The following AP3S2 variants were observed in gnomAD, a reference collection of about 807,000 sequenced individuals.
AP3S2 encodes AP-3 complex subunit sigma-2.
Under a neutral mutation model 23.4 loss-of-function variants are expected in AP3S2, and 22 were observed. The observed-to-expected ratio is 0.94, with a 90% confidence interval of 0.67 to 1.34. AP3S2 has a LOEUF of 1.34. Ranked by LOEUF, AP3S2 falls within the 40% of genes most tolerant of loss-of-function variation. The probability of loss-of-function intolerance (pLI) is 0.00; values close to 1 mark genes in which losing one functional copy is unlikely to be tolerated. For missense variants in AP3S2, 241 were observed against 236.9 expected (o/e 1.02, Z -0.11); for synonymous variants, 86 against 87.1 (o/e 0.99, Z 0.07).
In AP3S2 at chr15:89,865,029, T is replaced by C. The variant is rs1331754730; in HGVS notation, c.345+6446A>G. Among the ~76,000 whole-genome samples, 6 of 152,214 alleles carry C rather than the reference T, an allele frequency of 3.9e-5. No individual in the cohort carries two copies. In the East Asian group the frequency reaches 1.2e-3, roughly 29 times the overall value. On this transcript the variant is annotated intron_variant, in intron 4 of 5. Coordinates refer to ENST00000336418, the MANE Select transcript of AP3S2 (RefSeq NM_005829.5). ...ACATACCTACTAGCTGGATAAAAAT[T>C]AAGTTCTATATCCATCAGTCAGGAC...
At chr15:89,862,452 A>C (rs760911824) in intron 4 of AP3S2, among the ~76,000 whole-genome samples, 2 of 152,216 alleles carry the variant, frequency 1.3e-5, no homozygotes, top group Non-Finnish European at 2.9e-5. Flanking sequence ...TAGGGATGAA[A>C]AGTTATGATG....
intron 4 of AP3S2, among the ~76,000 whole-genome samples, chr15:89,868,357 C>CT (rs1896209147): frequency 1.1e-5 from 1 of 94,824 alleles, no homozygotes; most frequent in African/African-American, 4.1e-5. Flanking sequence ...GTCAGCCCCC[C>CT]GCCCGGCCAG....
intron 4 of AP3S2, 52 bp from the exon 5 acceptor site, chr15:89,837,774 G>A: frequency 6.2e-7 from 1 of 1,604,000 alleles, no homozygotes; most frequent in Non-Finnish European, 8.5e-7. Context: ...TGGTCAGAGT[G>A]TAACCCACGA....
At chr15:89,886,276 C>T (rs915812331) in intron 3 of AP3S2, among the ~76,000 whole-genome samples, 3 of 151,836 alleles carry the variant, frequency 2.0e-5, no homozygotes, top group Admixed American at 6.6e-5. Context: ...ACCAGGGAGT[C>T]GGAGGTTGTG....
intron 3 of AP3S2, among the ~76,000 whole-genome samples, chr15:89,875,980 C>T (rs1420954757): frequency 6.6e-6 from 1 of 152,046 alleles, no homozygotes; most frequent in Non-Finnish European, 1.5e-5. Flanking sequence ...ATGATGAGGA[C>T]AGACACAAAC....
Position 89,888,637 on chromosome 15 carries a change from A to C in AP3S2, c.162-5T>G. ...TAGTCAGAGCCACCAATCAAACTGC[A>C]GAAGATGGGAAACATTTAAATGCCC... On this transcript the variant is annotated splice_region_variant and splice_polypyrimidine_tract_variant and intron_variant, in intron 2 of 5. Coordinates refer to ENST00000336418, the MANE Select transcript of AP3S2 (RefSeq NM_005829.5). 1 of 1,613,134 alleles carries C rather than the reference A, an allele frequency of 6.2e-7. No individual in the cohort carries two copies. The highest frequency in any genetic ancestry group is 1.1e-5 in the South Asian group (1 of 91,020).
At chr15:89,866,992 C>G (rs1156435192) in intron 4 of AP3S2, among the ~76,000 whole-genome samples, 1 of 135,746 alleles carries the variant, frequency 7.4e-6, no homozygotes, top group Non-Finnish European at 1.6e-5. Flanking sequence ...CTCTCCCTCT[C>G]CCTCTCCCTC....
chr15:89,842,693 A>G (rs1286112092), intron 4 of AP3S2, among the ~76,000 whole-genome samples: 2 of 152,048 alleles, frequency 1.3e-5, no homozygotes, highest in East Asian at 3.9e-4. Context: ...GCTCAGTGCA[A>G]CCTCCACCTC....
Position 89,881,103 on chromosome 15 carries a change from A to G in AP3S2, c.273+7418T>C, listed in dbSNP as rs1018177444. Among the ~76,000 whole-genome samples, 5 of 152,368 alleles carry G rather than the reference A, an allele frequency of 3.3e-5. No individual in the cohort carries two copies. The East Asian group carries it at 9.6e-4, about 29-fold the overall frequency. ...AAAGAGCTGAAGTGAAGGAACCTAG[A>G]TGAGAGTATTCCAGGGGACAGAACA... On this transcript the variant is annotated intron_variant, in intron 3 of 5. Coordinates refer to ENST00000336418, the MANE Select transcript of AP3S2 (RefSeq NM_005829.5).
At chr15:89,866,074 A>C (rs866388593) in intron 4 of AP3S2, among the ~76,000 whole-genome samples, 3 of 151,896 alleles carry the variant, frequency 2.0e-5, no homozygotes, top group African/African-American at 7.3e-5. Context: ...CCAGCCTGAC[A>C]GATATGATGA....
At chr15:89,859,826 C>T (rs934430234) in intron 4 of AP3S2, among the ~76,000 whole-genome samples, 4 of 147,022 alleles carry the variant, frequency 2.7e-5, no homozygotes, top group African/African-American at 5.1e-5. Context: ...TGCAGTGGCG[C>T]GATCTCGGCT....
At chr15:89,864,564 A>G (rs1385021438) in intron 4 of AP3S2, among the ~76,000 whole-genome samples, 1 of 150,456 alleles carries the variant, frequency 6.6e-6, no homozygotes, top group African/African-American at 2.4e-5. Flanking sequence ...TTCTACCAAC[A>G]CATTTTTTTT....
At chr15:89,880,147 A>G (rs1358416213) in intron 3 of AP3S2, among the ~76,000 whole-genome samples, 1 of 151,990 alleles carries the variant, frequency 6.6e-6, no homozygotes, top group Admixed American at 6.6e-5. Flanking sequence ...TGTCTCCAAA[A>G]AATAAAAAAT....
At chr15:89,860,913 A>G (rs1327999329) in intron 4 of AP3S2, among the ~76,000 whole-genome samples, 1 of 152,182 alleles carries the variant, frequency 6.6e-6, no homozygotes, top group Non-Finnish European at 1.5e-5. Context: ...CTAAAACTCA[A>G]ACAGAATACC....
chr15:89,892,557 T>C (rs1281539244), intron 1 of AP3S2, among the ~76,000 whole-genome samples: 2 of 152,204 alleles, frequency 1.3e-5, no homozygotes, highest in Non-Finnish European at 2.9e-5. Flanking sequence ...ATGTTAGTTT[T>C]ATCTCAGTAA....
intron 3 of AP3S2, chr15:89,878,333 G>A (rs932829346): frequency 4.8e-6 from 3 of 619,906 alleles, no homozygotes; most frequent in East Asian, 3.0e-5. Flanking sequence ...TGGAGTAGGA[G>A]AAAATATTTG....
intron 5 of AP3S2, among the ~76,000 whole-genome samples, chr15:89,836,611 C>T (rs8030857): frequency 0.44 from 66,811 of 152,002 alleles, 15,362 homozygotes; most frequent in Middle Eastern, 0.51. Context: ...CTCACCCCCA[C>T]GTGGAGGGAA....
intron 3 of AP3S2, chr15:89,878,316 A>G (rs1259613828): frequency 6.1e-6 from 4 of 651,472 alleles, no homozygotes; most frequent in Non-Finnish European, 8.1e-6. Context: ...TAAAGCAAAA[A>G]GACCAATGGA....
rs143216496 is a variant in AP3S2 at position 89,886,500 on chromosome 15, T to G, written c.273+2021A>C. 1.2e-3 allele frequency: 187 copies of G among 152,318 alleles called. 1 individual carries two copies. Among genetic ancestry groups the G allele is most frequent in the African/African-American group, 4.3e-3 (178 of 41,564 alleles). 9.4% of individuals were successfully genotyped at this position (152,318 alleles called of 1,614,324 possible). ...CTTTATTTTTTATAATATGGAATGC[T>G]TCACCAATTTGCATGTCATCCTTGC... On this transcript the variant is annotated intron_variant, in intron 3 of 5. Transcript: ENST00000336418.
Sources: allele counts gnomAD v4.1 joint callset (sites outside exome capture counted in the v4.1 genomes callset), GRCh38; gene constraint gnomAD v4.1.1; transcripts MANE v1.5; gene names NCBI Gene and HGNC (gene_info 2026-07-23, HGNC 2026-07-21).